The following EPM2A variants were observed in gnomAD, a reference collection of about 807,000 sequenced individuals.
The protein encoded by EPM2A is laforin.
In EPM2A, 21 loss-of-function variants were observed where a neutral mutation model predicts 26.5. The ratio of observed to expected loss-of-function variants is 0.79; its 90% CI spans 0.56 to 1.14. EPM2A has a LOEUF of 1.14. Ranked by LOEUF, EPM2A falls within the 50% of genes most tolerant of loss-of-function variation. The pLI, the probability that EPM2A is intolerant of heterozygous loss-of-function variation, is 0.00. For synonymous variants in EPM2A, 217 were observed against 177.6 expected (o/e 1.22, Z -1.76); for missense variants, 458 against 440.8 (o/e 1.04, Z -0.35).
intron 2 of EPM2A, among the ~76,000 whole-genome samples, chr6:145,559,810 C>T (rs1285980282): frequency 1.3e-5 from 2 of 151,950 alleles, no homozygotes; most frequent in Admixed American, 6.6e-5. Flanking sequence ...GACTGATTTC[C>T]CCAACAATTA....
At chr6:145,540,212 T>A (rs920490807) in intron 2 of EPM2A, among the ~76,000 whole-genome samples, 2 of 152,212 alleles carry the variant, frequency 1.3e-5, no homozygotes, top group African/African-American at 4.8e-5. Flanking sequence ...TCTGTTGCCC[T>A]TGCTGTATCT....
At chr6:145,397,869 C>T (rs1778426315) in intron 4 of EPM2A, among the ~76,000 whole-genome samples, 1 of 152,118 alleles carries the variant, frequency 6.6e-6, no homozygotes, top group South Asian at 2.1e-4. Context: ...TTGATCAAAC[C>T]CTAGTACTTA....
At chr6:145,708,568 G>A (rs576519467) in intron 1 of EPM2A, among the ~76,000 whole-genome samples, 1 of 152,372 alleles carries the variant, frequency 6.6e-6, no homozygotes, top group Admixed American at 6.5e-5. Flanking sequence ...TGTTGAGCCT[G>A]TGGATGCATG....
chr6:145,532,622 C>T (rs554658604), intron 2 of EPM2A, among the ~76,000 whole-genome samples: 2 of 152,292 alleles, frequency 1.3e-5, no homozygotes, highest in South Asian at 4.1e-4. Context: ...CTCTTTACAG[C>T]ACTCTCCTTG....
At chr6:145,637,506 G>C (rs1402380296) in intron 2 of EPM2A, 13 of 151,680 alleles carry the variant, frequency 8.6e-5, no homozygotes, top group African/African-American at 4.9e-5. Context: ...CTTGTCTAAA[G>C]GGTTATTAGG....
At chr6:145,632,862 C>G (rs1325926483) in intron 3 of EPM2A, among the ~76,000 whole-genome samples, 1 of 152,174 alleles carries the variant, frequency 6.6e-6, no homozygotes, top group Non-Finnish European at 1.5e-5. Flanking sequence ...TAGATTACAC[C>G]CCCAGGTTAG....
intron 2 of EPM2A, among the ~76,000 whole-genome samples, chr6:145,598,421 G>C (rs552469915): frequency 6.6e-6 from 1 of 151,936 alleles, no homozygotes; most frequent in Non-Finnish European, 1.5e-5. Flanking sequence ...TAATGGGGTA[G>C]GTTGTTTTTC....
At chr6:145,551,804 G>A (rs1260808812) in intron 2 of EPM2A, among the ~76,000 whole-genome samples, 1 of 149,938 alleles carries the variant, frequency 6.7e-6, no homozygotes, top group Non-Finnish European at 1.5e-5. Flanking sequence ...CCACCATGAG[G>A]GATATACCAT....
rs200258963 is a variant in EPM2A at position 145,664,025 on chromosome 6, C to G, written c.476+22097G>C. Among the ~76,000 whole-genome samples the G allele has an allele frequency of 8.2e-3, 658 of 80,004 alleles. 209 individuals are homozygous for G. Among genetic ancestry groups the G allele is most frequent in the African/African-American group, 0.04 (638 of 15,956 alleles). The allele number at this position is 80,004 out of a possible 152,430, so 52.5% of individuals were successfully genotyped here. ...AGCTCCTGAAGGAAGCGCTAAACAT[C>G]GAAAGGAAAAACCGGTACCAGCCGC... On this transcript the variant is annotated intron_variant, in intron 2 of 3. Transcript: ENST00000367519.
chr6:145,632,762 C>A (rs1460216535), intron 3 of EPM2A, among the ~76,000 whole-genome samples: 2 of 152,160 alleles, frequency 1.3e-5, no homozygotes, highest in Admixed American at 1.3e-4. Context: ...GCTGATTAAT[C>A]TATGTGTTCA....
chr6:145,486,348 A>T (rs1779673388), intron 4 of EPM2A, among the ~76,000 whole-genome samples: 1 of 152,206 alleles, frequency 6.6e-6, no homozygotes. Context: ...AAGGGCTACA[A>T]CATGATGTTA....
chr6:145,603,116 C>A (rs1781436985), intron 2 of EPM2A, among the ~76,000 whole-genome samples: 1 of 152,142 alleles, frequency 6.6e-6, no homozygotes, highest in South Asian at 2.1e-4. Context: ...GTTGGCAGGG[C>A]ACTCTGAAAT....
chr6:145,597,686 A>C (rs2128549368), intron 2 of EPM2A, among the ~76,000 whole-genome samples: 1 of 152,250 alleles, frequency 6.6e-6, no homozygotes, highest in South Asian at 2.1e-4. Flanking sequence ...TCAGGTACTA[A>C]GCCTAGTACC....
At chr6:145,720,012 T>G (rs1340698910) in intron 1 of EPM2A, among the ~76,000 whole-genome samples, 1 of 152,208 alleles carries the variant, frequency 6.6e-6, no homozygotes, top group Non-Finnish European at 1.5e-5. Flanking sequence ...TAGTGTTTTT[T>G]TATGTTTCAT....
At chr6:145,676,042 C>A (rs957253542) in intron 2 of EPM2A, among the ~76,000 whole-genome samples, 2 of 152,178 alleles carry the variant, frequency 1.3e-5, no homozygotes, top group Non-Finnish European at 2.9e-5. Context: ...CATTCCTCAG[C>A]AAATGTAAAA....
chr6:145,455,738 T>C (rs1779255364), intron 4 of EPM2A, among the ~76,000 whole-genome samples: 1 of 152,244 alleles, frequency 6.6e-6, no homozygotes, highest in Non-Finnish European at 1.5e-5. Context: ...TAGTGAATAA[T>C]TCGTTGATAA....
chr6:145,521,675 G>T (rs1392463473), intron 2 of EPM2A, among the ~76,000 whole-genome samples: 1 of 152,122 alleles, frequency 6.6e-6, no homozygotes, highest in South Asian at 2.1e-4. Flanking sequence ...AGATGAAAAA[G>T]GTAAAAACTC....
intron 2 of EPM2A, among the ~76,000 whole-genome samples, chr6:145,523,227 G>A (rs1412467953): frequency 2.0e-5 from 3 of 152,070 alleles, no homozygotes; most frequent in East Asian, 3.9e-4. Context: ...AATGATTGAC[G>A]CAATTCTACA....
chr6:145,733,129 A>T (rs1776587451), intron 1 of EPM2A, among the ~76,000 whole-genome samples: 1 of 152,232 alleles, frequency 6.6e-6, no homozygotes, highest in Admixed American at 6.5e-5. Flanking sequence ...AAAACTTGAT[A>T]ATGTAAAAGT....
Sources: gnomAD v4.1 joint callset for allele counts (sites outside exome capture counted in the v4.1 genomes callset) on GRCh38, gnomAD v4.1.1 for gene constraint, MANE v1.5 for transcripts, NCBI Gene and HGNC (gene_info 2026-07-23, HGNC 2026-07-21) for gene names.